Variants in CELSR1 observed in about 807,000 individuals in gnomAD.
The protein encoded by CELSR1 is cadherin EGF LAG seven-pass G-type receptor 1, also known as adhesion G protein-coupled receptor C1.
CELSR1 carries 110 observed loss-of-function variants against 249.1 expected under a neutral mutation model. The ratio of observed to expected loss-of-function variants is 0.44; its 90% confidence interval spans 0.38 to 0.52. CELSR1 has a LOEUF of 0.52. Among genes scored for constraint, CELSR1 ranks in the 20% least tolerant of loss-of-function variants. The probability of loss-of-function intolerance (pLI) is 0.00; values close to 1 mark genes in which losing one functional copy is unlikely to be tolerated. For synonymous variants in CELSR1, 2,113 were observed against 1,900.0 expected (o/e 1.11, Z -2.92); for missense variants, 4,109 against 4,296.4 (o/e 0.96, Z 1.22).
At position 46,464,267 on chromosome 22, in the gene CELSR1, G is replaced by A. The variant is rs1387092425; in HGVS notation, c.3623C>T (p.Thr1208Ile). The change falls in exon 2 of 35, where the codon ACT (threonine) becomes ATT (isoleucine). Residue 1208 changes from threonine (T) to isoleucine (I), a missense_variant. This residue lies in a region of CELSR1 where 886 missense variants were observed against 896.5 expected (regional missense o/e 0.99). Coordinates refer to ENST00000674500, the MANE Select transcript of CELSR1 (RefSeq NM_001378328.1). This position sits in a 1 kb window ranked among gnomAD's most constrained non-coding sequence, Gnocchi z 8.5. ...ITDDMLTNSITVRLENMSQEK... is the reference protein window; with the variant it reads ...ITDDMLTNSIIVRLENMSQEK... ...CTGGGACATGTTCTCCAGGCGGACA[G>A]TGATGCTGTTGGTCAGCATGTCGTC... 1 of 1,613,736 alleles carries A rather than the reference G, an allele frequency of 6.2e-7. No individual in the cohort carries two copies. Among genetic ancestry groups the A allele is most frequent in the South Asian group, 1.1e-5 (1 of 91,088 alleles).
In CELSR1 at chr22:46,408,587, C is replaced by T. The variant is rs8139431; in HGVS notation, c.5226+409G>A. On this transcript the variant is annotated intron_variant, in intron 9 of 34. Transcript: ENST00000674500. The surrounding 1 kb of genome is among the most constrained non-coding windows in gnomAD (Gnocchi z 4.6). The stretch of plus-strand genomic sequence containing the variant: ...TGACCTCAGGTGATCCGCCGGCCTC[C>T]GCCACCCAAAGTGTTGGGATTACAG... Among the ~76,000 whole-genome samples the T allele has an allele frequency of 0.026, 3,933 of 152,280 alleles. 158 individuals are homozygous for T. The highest frequency in any genetic ancestry group is 0.09 in the African/African-American group (3,731 of 41,544).
chr22:46,451,884 CACA>C (rs1263053510), intron 2 of CELSR1, among the ~76,000 whole-genome samples: 23 of 152,308 alleles, frequency 1.5e-4, no homozygotes, highest in African/African-American at 5.5e-4. Flanking sequence ...TCGATGCAAT[CACA>C]ACATGAATTA....
At chr22:46,405,862 G>GA (rs1311102562) in intron 9 of CELSR1, among the ~76,000 whole-genome samples, 1 of 152,132 alleles carries the variant, frequency 6.6e-6, no homozygotes, top group Admixed American at 6.6e-5. Context: ...TAATGGCAAG[G>GA]AGAAATCCCC....
Position 46,534,396 on chromosome 22 carries a change from C to A in CELSR1, c.2775G>T (p.Gly925=), listed in dbSNP as rs1306121780. ...CACCCTGGAAGGTGTACAGCAGACG[C>A]CCATTGGGACCTGAGTCCCGGTCCG... The part of the protein sequence containing the change: ...SATDRDSGPN[G]RLLYTFQGGD... The change falls in exon 1 of 35, where the codon GGG becomes GGT. Residue 925 remains glycine, a synonymous_variant. Coordinates refer to ENST00000674500, the MANE Select transcript of CELSR1 (RefSeq NM_001378328.1). The surrounding 1 kb of genome is among the most constrained non-coding windows in gnomAD (Gnocchi z 9.7). 2 of 1,612,782 alleles carry A rather than the reference C, an allele frequency of 1.2e-6. No individual in the cohort carries two copies. The highest frequency in any genetic ancestry group is 2.7e-5 in the African/African-American group (2 of 74,946).
chr22:46,413,756 T>C lies in CELSR1; in HGVS notation c.4612-1997A>G, dbSNP rs1172864743. Among the ~76,000 whole-genome samples, 1 of 152,230 alleles carries C rather than the reference T, an allele frequency of 6.6e-6. No homozygotes were observed. Among genetic ancestry groups the C allele is most frequent in the Non-Finnish European group, 1.5e-5 (1 of 68,052 alleles). ...GCGAGTGCATTAAAAATCATCTGTT[T>C]TCTCGCTGTGTAACGCGGCCCACTT... On this transcript the variant is annotated intron_variant, in intron 5 of 34. Coordinates refer to ENST00000674500, the MANE Select transcript of CELSR1 (RefSeq NM_001378328.1). This position sits in a 1 kb window ranked among gnomAD's most constrained non-coding sequence, Gnocchi z 4.7.
Position 46,441,747 on chromosome 22 carries a change from T to C in CELSR1, c.4184-2336A>G, listed in dbSNP as rs955408133. 4.6e-5 allele frequency among the ~76,000 whole-genome samples: 7 copies of C among 152,176 alleles called. No homozygotes were observed. Among genetic ancestry groups the C allele is most frequent in the African/African-American group, 1.7e-4 (7 of 41,436 alleles). Reference sequence around the variant, plus strand: ...CTCCTAAAGCACCCATCCTGGGGCATAGGGCTTCAATGTAGAAATTTATGA... The same window carrying C: ...CTCCTAAAGCACCCATCCTGGGGCACAGGGCTTCAATGTAGAAATTTATGA... On this transcript the variant is annotated intron_variant, in intron 2 of 34. Transcript: ENST00000674500. The surrounding 1 kb of genome is among the most constrained non-coding windows in gnomAD (Gnocchi z 6.1).
At position 46,534,945 on chromosome 22, in the gene CELSR1, G is replaced by C; in HGVS notation, c.2226C>G (p.Gly742=). ...RFALSSQRGG[G]LITLALPLDY... is the part of the protein sequence containing the mutation. ...CCAGAGGTAGCGCCAGGGTGATGAG[G>C]CCGCCCCCTCTCTGGCTGCTGAGTG... is the stretch of plus-strand genomic sequence containing the variant. Residue 742 remains glycine (G), a synonymous_variant, in exon 1 of 35, where the codon GGC becomes GGG. Coordinates refer to ENST00000674500, the MANE Select transcript of CELSR1 (RefSeq NM_001378328.1). This position sits in a 1 kb window ranked among gnomAD's most constrained non-coding sequence, Gnocchi z 9.7. The C allele has an allele frequency of 6.2e-7, 1 of 1,612,360 alleles. No individual in the cohort carries two copies. Among genetic ancestry groups the C allele is most frequent in the Admixed American group, 1.7e-5 (1 of 60,026 alleles).
Position 46,363,336 on chromosome 22 carries a change from G to T in CELSR1, c.9036-89C>A. On this transcript the variant is annotated intron_variant, in intron 34 of 34. Transcript: ENST00000674500. The surrounding 1 kb of genome is among the most constrained non-coding windows in gnomAD (Gnocchi z 4.3). ...CCAAGGTTGTCACACGGGGGGGCAG[G>T]ATCACCCCATCAGGGTAGAGGGGGC... 1 of 1,137,184 alleles carries T rather than the reference G, an allele frequency of 8.8e-7. No individual in the cohort carries two copies. Among genetic ancestry groups the T allele is most frequent in the South Asian group, 1.4e-5 (1 of 74,034 alleles). 70.4% of individuals were successfully genotyped at this position (1,137,184 alleles called of 1,614,324 possible).
rs1602071014 is a variant in CELSR1 at position 46,393,847 on chromosome 22, T to C, written c.5964+295A>G. On this transcript the variant is annotated intron_variant, in intron 14 of 34. Coordinates refer to ENST00000674500, the MANE Select transcript of CELSR1 (RefSeq NM_001378328.1). This position sits in a 1 kb window ranked among gnomAD's most constrained non-coding sequence, Gnocchi z 4.1. ...GAAACGGGTGGGCTTCCCACAGCCA[T>C]GGGCAGTAGGCCGGGAGGAGGCAGG... 1.3e-5 allele frequency among the ~76,000 whole-genome samples: 2 copies of C among 151,716 alleles called. No homozygotes were observed. The highest frequency in any genetic ancestry group is 3.9e-4 in the East Asian group (2 of 5,174).
Position 46,390,539 on chromosome 22 carries a change from G to C in CELSR1, c.6251-53C>G. On this transcript the variant is annotated intron_variant, in intron 16 of 34. Transcript: ENST00000674500. The surrounding 1 kb of genome is among the most constrained non-coding windows in gnomAD (Gnocchi z 6.3). ...CCTGAAACTCAAACTGTTGATCAAT[G>C]CTTGTGTATTTCAATCCACAATCTG... 1 of 1,391,778 alleles carries C rather than the reference G, an allele frequency of 7.2e-7. No homozygotes were observed. Among genetic ancestry groups the C allele is most frequent in the Non-Finnish European group, 1.0e-6 (1 of 987,396 alleles). 86.2% of individuals were successfully genotyped at this position (1,391,778 alleles called of 1,614,324 possible).
At chr22:46,495,216 C>G (rs906734407) in intron 1 of CELSR1, among the ~76,000 whole-genome samples, 1 of 152,180 alleles carries the variant, frequency 6.6e-6, no homozygotes, top group Admixed American at 6.5e-5. Context: ...CTGCTACACA[C>G]CTAGGCTGTG....
At chr22:46,404,328 C>T (rs2079241175) in intron 9 of CELSR1, among the ~76,000 whole-genome samples, 1 of 152,026 alleles carries the variant, frequency 6.6e-6, no homozygotes, top group Non-Finnish European at 1.5e-5. Context: ...AGGAGAATCC[C>T]TTGAACCTGG....
chr22:46,507,651 C>G (rs965055379), intron 1 of CELSR1, among the ~76,000 whole-genome samples: 2 of 152,178 alleles, frequency 1.3e-5, no homozygotes, highest in African/African-American at 4.8e-5. Context: ...CTGCCTCGCC[C>G]GCAGTCTGGG....
chr22:46,433,535 G>T lies in CELSR1; in HGVS notation c.4523-54C>A. ...AAAACAGGGGTTGGCGGGGCCTACTGGGGACCGAGGATTGCGCTGTGAGGC... is the reference window on the plus strand; with the variant it reads ...AAAACAGGGGTTGGCGGGGCCTACTTGGGACCGAGGATTGCGCTGTGAGGC... On this transcript the variant is annotated intron_variant, in intron 4 of 34. Transcript: ENST00000674500. This position sits in a 1 kb window ranked among gnomAD's most constrained non-coding sequence, Gnocchi z 5.7. 7.0e-7 allele frequency: 1 copy of T among 1,418,820 alleles called. No individual in the cohort carries two copies. Among genetic ancestry groups the T allele is most frequent in the Non-Finnish European group, 9.8e-7 (1 of 1,015,722 alleles). 87.9% of individuals were successfully genotyped at this position (1,418,820 alleles called of 1,614,324 possible). A position where few individuals can be genotyped will look rare whatever the true frequency, so the allele number is the denominator to read the frequency against.
At position 46,536,398 on chromosome 22, in the gene CELSR1, T is replaced by G; in HGVS notation, c.773A>C (p.Glu258Ala). Residue 258 changes from glutamate to alanine, a missense_variant, in exon 1 of 35, where the codon GAA becomes GCA. Physicochemically the swap from Glu to Ala is moderately radical, Grantham distance 107 (BLOSUM62 -1). This residue lies in a region of CELSR1 where 673 missense variants were observed against 636.8 expected (regional missense o/e 1.06). Coordinates refer to ENST00000674500, the MANE Select transcript of CELSR1 (RefSeq NM_001378328.1). ...PNYQVALFEN[E>A]PAGTLILQLH... ...CTGGAGGATGAGGGTGCCCGCCGGT[T>G]CGTTCTCAAACAACGCCACCTGGTA... is the stretch of plus-strand genomic sequence containing the variant. 6.2e-7 allele frequency: 1 copy of G among 1,612,348 alleles called. No homozygotes were observed. Among genetic ancestry groups the G allele is most frequent in the South Asian group, 1.1e-5 (1 of 91,064 alleles).
chr22:46,409,908 C>A lies in CELSR1; in HGVS notation c.4934-28G>T, dbSNP rs2079312714. The A allele has an allele frequency of 2.5e-6, 4 of 1,608,538 alleles. No homozygotes were observed. Among genetic ancestry groups the A allele is most frequent in the African/African-American group, 1.3e-5 (1 of 74,930 alleles). On this transcript the variant is annotated intron_variant, in intron 7 of 34. Transcript: ENST00000674500. The surrounding 1 kb of genome is among the most constrained non-coding windows in gnomAD (Gnocchi z 9.8). ...GGCAACACAGAGCGTGCGGCAGAGCCTGACTCGGAGGAACCGCCCGGGGTC... is the reference window on the plus strand; with the variant it reads ...GGCAACACAGAGCGTGCGGCAGAGCATGACTCGGAGGAACCGCCCGGGGTC...
At chr22:46,415,696 C>A (rs946337012) in intron 5 of CELSR1, among the ~76,000 whole-genome samples, 5 of 151,988 alleles carry the variant, frequency 3.3e-5, no homozygotes, top group African/African-American at 1.2e-4. Flanking sequence ...ACCTGAAGAA[C>A]TTTCGGGAAG....
At position 46,384,623 on chromosome 22, in the gene CELSR1, G is replaced by A. The variant is rs201355911; in HGVS notation, c.6803C>T (p.Thr2268Ile). 14 of 1,613,830 alleles carry A rather than the reference G, an allele frequency of 8.7e-6. No homozygotes were observed. Among genetic ancestry groups the A allele is most frequent in the Non-Finnish European group, 1.1e-5 (13 of 1,179,880 alleles). ...CTCCCTGGGGAACTCTTCATGGATG[G>A]TGTCGAATCGCGGGACCCTGGCTCC... ...FTGARVPRFD[T>I]IHEEFPRELE... is the part of the protein sequence containing the mutation. The change falls in exon 20 of 35, where the codon ACC (threonine) becomes ATC (isoleucine). Residue 2268 changes from threonine (T) to isoleucine (I), a missense_variant. Around this residue, in one of 7 missense-constraint regions of CELSR1, gnomAD observed 1,805 missense variants for 1,831.6 expected, o/e 0.99. Transcript: ENST00000674500.
chr22:46,436,210 T>C lies in CELSR1; in HGVS notation c.4486A>G (p.Ile1496Val), dbSNP rs368103891. 1 of 1,613,546 alleles carries C rather than the reference T, an allele frequency of 6.2e-7. No homozygotes were observed. Among genetic ancestry groups the C allele is most frequent in the African/African-American group, 1.3e-5 (1 of 74,984 alleles). Residue 1496 changes from isoleucine to valine, a missense_variant, in exon 4 of 35, where the codon ATC (isoleucine) becomes GTC (valine). Ile to Val is a conservative substitution (Grantham distance 29). Coordinates refer to ENST00000674500, the MANE Select transcript of CELSR1 (RefSeq NM_001378328.1). This position sits in a 1 kb window ranked among gnomAD's most constrained non-coding sequence, Gnocchi z 5.9. Reference protein sequence around the residue: ...NEKHDFIALEIVDEQVQLTFS... With the variant: ...NEKHDFIALEVVDEQVQLTFS... ...GTGAGCTGCACCTGCTCGTCCACGATCTCCAGGGCGATGAAGTCGTGCTTC... is the reference window on the plus strand; with the variant it reads ...GTGAGCTGCACCTGCTCGTCCACGACCTCCAGGGCGATGAAGTCGTGCTTC...
Sources: gnomAD v4.1 joint callset for allele counts (sites outside exome capture counted in the v4.1 genomes callset) on GRCh38, gnomAD v4.1.1 for gene constraint, gnomAD v4.1.1 regional missense constraint, Gnocchi (gnomAD v3.1) non-coding constraint, MANE v1.5 for transcripts, NCBI Gene and HGNC (gene_info 2026-07-23, HGNC 2026-07-21) for gene names.